Variants in FXYD7 observed in about 807,000 individuals in gnomAD.
FXYD7 encodes FXYD domain containing ion transport regulator 7.
Under a neutral mutation model 15.3 loss-of-function variants are expected in FXYD7, and 7 were observed. The observed-to-expected ratio is 0.46, with a 90% CI of 0.26 to 0.86. The LOEUF (loss-of-function observed/expected upper bound fraction) is 0.86. Ranked by LOEUF, FXYD7 falls within the 40% of genes least tolerant of loss-of-function variation. The probability of loss-of-function intolerance (pLI) is 0.16; values close to 1 mark genes in which losing one functional copy is unlikely to be tolerated. For synonymous variants in FXYD7, 39 were observed against 39.3 expected (o/e 0.99, Z 0.03); for missense variants, 78 against 100.6 (o/e 0.78, Z 0.96).
intron 1 of FXYD7, among the ~76,000 whole-genome samples, chr19:35,148,429 C>A (rs891326087): frequency 6.6e-6 from 1 of 152,166 alleles, no homozygotes; most frequent in African/African-American, 2.4e-5. Flanking sequence ...AGAACCAGGA[C>A]TGCCATGTAG....
chr19:35,143,420 G>A lies in FXYD7; in HGVS notation c.31+56G>A, dbSNP rs2065276490. 2.3e-6 allele frequency: 3 copies of A among 1,308,782 alleles called. No individual in the cohort carries two copies. The highest frequency in any genetic ancestry group is 1.4e-5 in the South Asian group (1 of 69,544). 81.1% of individuals were successfully genotyped at this position (1,308,782 alleles called of 1,614,324 possible). The stretch of plus-strand genomic sequence containing the variant: ...GGGGCTCCGGGATCTGAGAGCCTAG[G>A]AGAGAGGGTGTCGGGAGATTCAAGC... On this transcript the variant is annotated intron_variant, in intron 1 of 5. Transcript: ENST00000270310. The surrounding 1 kb of genome is among the most constrained non-coding windows in gnomAD (Gnocchi z 4.3).
chr19:35,150,022 T>C (rs1207086649), intron 2 of FXYD7, among the ~76,000 whole-genome samples: 2 of 152,104 alleles, frequency 1.3e-5, no homozygotes, highest in Non-Finnish European at 2.9e-5. Context: ...GTTCAAGTGC[T>C]TCTCCTGCCT....
intron 5 of FXYD7, 75 bp downstream of exon 5, chr19:35,151,748 G>A (rs36072726): frequency 1.3e-5 from 13 of 988,390 alleles, no homozygotes; most frequent in Admixed American, 3.4e-5. Context: ...AAGGGAAGTC[G>A]CGGGGATGGA....
At chr19:35,152,316 G>A (rs991094747) in intron 5 of FXYD7, among the ~76,000 whole-genome samples, 1 of 151,838 alleles carries the variant, frequency 6.6e-6, no homozygotes. Context: ...TGATTTGCCA[G>A]GAGAGGAAGA....
chr19:35,148,268 T>C (rs2065297778), intron 1 of FXYD7, among the ~76,000 whole-genome samples: 1 of 152,130 alleles, frequency 6.6e-6, no homozygotes, highest in South Asian at 2.1e-4. Context: ...TGAGAAGTTT[T>C]AGGGAGTATT....
At chr19:35,151,138 C>G in intron 2 of FXYD7, 116 bp from the exon 3 acceptor site, 1 of 773,188 alleles carries the variant, frequency 1.3e-6, no homozygotes, top group Non-Finnish European at 2.4e-6. Flanking sequence ...CCAGCACAGT[C>G]CACAGCCTCC....
At position 35,153,874 on chromosome 19, in the gene FXYD7, C is replaced by G; in HGVS notation, c.221-20C>G. On this transcript the variant is annotated intron_variant, in intron 5 of 5. Coordinates refer to ENST00000270310, the MANE Select transcript of FXYD7 (RefSeq NM_022006.2). The stretch of plus-strand genomic sequence containing the variant: ...CAGTTTCCACCTTTCTAGTGGCTCA[C>G]GCACCCCCTCTCTCCCCAGCCCCTG... 1 of 1,612,238 alleles carries G rather than the reference C, an allele frequency of 6.2e-7. No individual in the cohort carries two copies. Among genetic ancestry groups the G allele is most frequent in the Non-Finnish European group, 8.5e-7 (1 of 1,178,662 alleles).
At chr19:35,145,425 G>C (rs971945930) in intron 1 of FXYD7, among the ~76,000 whole-genome samples, 4 of 152,216 alleles carry the variant, frequency 2.6e-5, no homozygotes, top group African/African-American at 9.6e-5. Context: ...TCTGGGACAG[G>C]GGCTCACCCA....
chr19:35,148,089 A>AGAG (rs2065296937), intron 1 of FXYD7, among the ~76,000 whole-genome samples: 7 of 121,028 alleles, frequency 5.8e-5, no homozygotes, highest in African/African-American at 1.9e-4. Flanking sequence ...GAAAGAAAGA[A>AGAG]AGAAAGAGAG....
chr19:35,143,320 T>C lies in FXYD7; in HGVS notation c.-14T>C. On this transcript the variant is annotated 5_prime_UTR_variant, in exon 1 of 6. Coordinates refer to ENST00000270310, the MANE Select transcript of FXYD7 (RefSeq NM_022006.2). The surrounding 1 kb of genome is among the most constrained non-coding windows in gnomAD (Gnocchi z 4.3). ...GCCGCCAAAGCATCCAGCAGCCCCC[T>C]GCTCCGGCCCAGCATGGCGACCCCG... is the stretch of plus-strand genomic sequence containing the variant. 2 of 1,534,118 alleles carry C rather than the reference T, an allele frequency of 1.3e-6. No homozygotes were observed. The highest frequency in any genetic ancestry group is 1.8e-6 in the Non-Finnish European group (2 of 1,139,956).
intron 1 of FXYD7, among the ~76,000 whole-genome samples, chr19:35,144,869 C>A (rs1230941508): frequency 6.6e-6 from 1 of 152,104 alleles, no homozygotes; most frequent in Admixed American, 6.5e-5. Flanking sequence ...TCGGGAAACC[C>A]CGGGGGAGGA....
chr19:35,148,788 C>T (rs765846996), intron 2 of FXYD7, 65 bp downstream of exon 2: 13 of 1,393,050 alleles, frequency 9.3e-6, no homozygotes, highest in Middle Eastern at 1.8e-4. Flanking sequence ...CAGATCACTC[C>T]GGACATGGCT....
In FXYD7 at chr19:35,153,774, C is replaced by T; in HGVS notation, c.221-120C>T. The T allele has an allele frequency of 5.7e-6, 5 of 879,082 alleles. No homozygotes were observed. In the South Asian group the frequency reaches 7.0e-5, roughly 12 times the overall value. The allele number at this position is 879,082 out of a possible 1,614,324, so 54.5% of individuals were successfully genotyped here. On this transcript the variant is annotated intron_variant, in intron 5 of 5. Transcript: ENST00000270310. The stretch of plus-strand genomic sequence containing the variant: ...GCAAGACAGCTCCTCAGTGTTAGCT[C>T]TGGGGTGACAGTCCCTGGGGTCTGG...
chr19:35,150,159 T>G (rs1456341339), intron 2 of FXYD7, among the ~76,000 whole-genome samples: 2 of 152,190 alleles, frequency 1.3e-5, no homozygotes, highest in Non-Finnish European at 2.9e-5. Flanking sequence ...TCAAGTGATC[T>G]GCCTGCCTTG....
At position 35,154,225 on chromosome 19, in the gene FXYD7, T is replaced by C. The variant is rs2065330071; in HGVS notation, c.*309T>C. The C allele has an allele frequency of 4.1e-6, 2 of 487,858 alleles. No individual in the cohort carries two copies. Among genetic ancestry groups the C allele is most frequent in the South Asian group, 5.5e-5 (2 of 36,344 alleles). 30.2% of individuals were successfully genotyped at this position (487,858 alleles called of 1,614,324 possible). ...GGCCCCCCTGCACCTCCTTGTCTCATCCCCGAAGATCCGTCCCCCTGGCCC... is the reference window on the plus strand; with the variant it reads ...GGCCCCCCTGCACCTCCTTGTCTCACCCCCGAAGATCCGTCCCCCTGGCCC... On this transcript the variant is annotated 3_prime_UTR_variant, in exon 6 of 6. Coordinates refer to ENST00000270310, the MANE Select transcript of FXYD7 (RefSeq NM_022006.2).
rs2065297769 is a variant in FXYD7 at position 35,148,265 on chromosome 19, T to A, written c.32-429T>A. Reference sequence around the variant, plus strand: ...TCGGAGCTCTCAGGTGACTGAGAAGTTTTAGGGAGTATTCAGGGGAAGCTG... The same window carrying A: ...TCGGAGCTCTCAGGTGACTGAGAAGATTTAGGGAGTATTCAGGGGAAGCTG... On this transcript the variant is annotated intron_variant, in intron 1 of 5. Transcript: ENST00000270310. Among the ~76,000 whole-genome samples, 4 of 151,930 alleles carry A rather than the reference T, an allele frequency of 2.6e-5. No homozygotes were observed. In the South Asian group the frequency reaches 8.3e-4, roughly 32 times the overall value.
In FXYD7 at chr19:35,143,502, C is replaced by A; in HGVS notation, c.31+138C>A. On this transcript the variant is annotated intron_variant, in intron 1 of 5. Coordinates refer to ENST00000270310, the MANE Select transcript of FXYD7 (RefSeq NM_022006.2). This position sits in a 1 kb window ranked among gnomAD's most constrained non-coding sequence, Gnocchi z 4.3. ...GTCCGCTCCTCCTGTGGGCGGAAGC[C>A]CCTGTAATGCGCCCCCCCGATCGCC... 1.5e-6 allele frequency: 1 copy of A among 666,194 alleles called. No homozygotes were observed. Among genetic ancestry groups the A allele is most frequent in the Non-Finnish European group, 2.3e-6 (1 of 428,230 alleles). 41.3% of individuals were successfully genotyped at this position (666,194 alleles called of 1,614,324 possible).
At chr19:35,145,511 T>G (rs1246845593) in intron 1 of FXYD7, among the ~76,000 whole-genome samples, 3 of 152,214 alleles carry the variant, frequency 2.0e-5, no homozygotes, top group Admixed American at 1.3e-4. Flanking sequence ...TTTTACAGCC[T>G]CCTGCAGCCT....
chr19:35,152,504 T>G (rs971296072), intron 5 of FXYD7, among the ~76,000 whole-genome samples: 3 of 152,040 alleles, frequency 2.0e-5, no homozygotes, highest in African/African-American at 7.2e-5. Flanking sequence ...GGTTTCTGAA[T>G]AGTTGCATCA....
Sources: gnomAD v4.1 joint callset for allele counts (sites outside exome capture counted in the v4.1 genomes callset) on GRCh38, gnomAD v4.1.1 for gene constraint, Gnocchi (gnomAD v3.1) non-coding constraint, MANE v1.5 for transcripts, NCBI Gene and HGNC (gene_info 2026-07-23, HGNC 2026-07-21) for gene names.